Variants in DDI2 observed in about 807,000 individuals in gnomAD.
The protein encoded by DDI2 is DDI proteasomal shuttling factor 2.
A neutral mutation model predicts 48.1 loss-of-function variants in DDI2; 5 were observed. The observed-to-expected ratio is 0.10, with a 90% CI of 0.05 to 0.22. The LOEUF (loss-of-function observed/expected upper bound fraction) is 0.22. DDI2 is among the 10% of genes least tolerant of loss of function. The pLI, the probability that DDI2 is intolerant of heterozygous loss-of-function variation, is 1.00. For missense variants in DDI2, 285 were observed against 506.2 expected, an observed-to-expected ratio of 0.56 and a Z score of 4.19; for synonymous variants, 205 against 183.6, an observed-to-expected ratio of 1.12 and a Z score of -0.94.
intron 1 of DDI2, among the ~76,000 whole-genome samples, chr1:15,619,418 TC>T (rs1038561992): frequency 3.3e-5 from 5 of 149,472 alleles, no homozygotes; most frequent in African/African-American, 9.9e-5. Flanking sequence ...GAGCCACCGT[TC>T]CCGGACAACT....
chr1:15,647,045 C>T (rs1640102729), intron 6 of DDI2, among the ~76,000 whole-genome samples: 1 of 151,904 alleles, frequency 6.6e-6, no homozygotes, highest in Non-Finnish European at 1.5e-5. Context: ...CAACATTTTC[C>T]CAATGTCACC....
Position 15,640,458 on chromosome 1 carries a change from G to T in DDI2, c.760+2024G>T, listed in dbSNP as rs540672464. Among the ~76,000 whole-genome samples, 116 of 152,280 alleles carry T rather than the reference G, an allele frequency of 7.6e-4. No individual in the cohort carries two copies. In the South Asian group the frequency reaches 0.023, roughly 31 times the overall value. ...AGGTATACAGAGTTCGTGAGTGGTG[G>T]GCTTTGGATTCAGCCCCAGGTCCCC... is the stretch of plus-strand genomic sequence containing the variant. On this transcript the variant is annotated intron_variant, in intron 5 of 9. Transcript: ENST00000480945.
chr1:15,657,133 A>G (rs1022166502), intron 9 of DDI2: 1 of 153,820 alleles, frequency 6.5e-6, no homozygotes, highest in African/African-American at 2.4e-5. Flanking sequence ...TGAAGAAGAA[A>G]TGGAAACTTA....
Position 15,630,355 on chromosome 1 carries a change from C to A in DDI2, c.299C>A (p.Ala100Asp), listed in dbSNP as rs773869764. Residue 100 changes from alanine (A) to aspartate (D), a missense_variant, in exon 3 of 10, where the codon GCT becomes GAT. Physicochemically the swap from Ala to Asp is moderately radical, Grantham distance 126. This residue lies in a region of DDI2 where 149 missense variants were observed against 236.5 expected (regional missense o/e 0.63). Coordinates refer to ENST00000480945, the MANE Select transcript of DDI2 (RefSeq NM_032341.5). ...NLPRIDFSSI[A>D]VPGTSSPRQR... Reference sequence around the variant, plus strand: ...CCCCGAATAGATTTCAGTAGTATAGCTGTGCCTGGCACATCAAGTCCCCGG... The same window carrying A: ...CCCCGAATAGATTTCAGTAGTATAGATGTGCCTGGCACATCAAGTCCCCGG... The A allele has an allele frequency of 2.5e-6, 4 of 1,614,110 alleles. No individual in the cohort carries two copies. The highest frequency in any genetic ancestry group is 3.4e-6 in the Non-Finnish European group (4 of 1,180,052).
intron 9 of DDI2, among the ~76,000 whole-genome samples, chr1:15,659,145 G>A (rs1031567788): frequency 3.3e-5 from 5 of 152,178 alleles, no homozygotes; most frequent in Non-Finnish European, 5.9e-5. Context: ...CATGATTTTT[G>A]GAAAGCTTGG....
intron 8 of DDI2, among the ~76,000 whole-genome samples, chr1:15,652,946 A>G (rs1053525111): frequency 1.1e-4 from 16 of 152,284 alleles, no homozygotes; most frequent in African/African-American, 3.6e-4. Context: ...CGGAGGTTGC[A>G]GTGAGTCAAG....
intron 9 of DDI2, among the ~76,000 whole-genome samples, chr1:15,658,214 G>A (rs1453702214): frequency 6.6e-6 from 1 of 151,882 alleles, no homozygotes; most frequent in Non-Finnish European, 1.5e-5. Context: ...CAGTGGTGCA[G>A]TCTTGGCTCA....
chr1:15,638,493 A>G, intron 5 of DDI2, 59 bp downstream of exon 5: 2 of 1,437,120 alleles, frequency 1.4e-6, no homozygotes, highest in Non-Finnish European at 9.6e-7. Context: ...CTGACACGGG[A>G]GAAGGGGAGG....
intron 1 of DDI2, 47 bp downstream of exon 1, chr1:15,617,855 C>T (rs1639588032): frequency 1.3e-6 from 2 of 1,494,764 alleles, no homozygotes; most frequent in South Asian, 1.3e-5. Context: ...AAGCCCTCCC[C>T]GCCTCGGGGC....
intron 8 of DDI2, 111 bp downstream of exon 8, chr1:15,652,006 C>CAGT (rs1161663490): frequency 8.6e-6 from 9 of 1,045,488 alleles, no homozygotes; most frequent in Admixed American, 3.1e-5. Context: ...TCTCATGGTC[C>CAGT]AGTAGTAGAT....
rs757473323 is a variant in DDI2, at chr1:15,660,269, C to G, written c.*479C>G. 4 of 1,614,076 alleles carry G rather than the reference C, an allele frequency of 2.5e-6. No homozygotes were observed. The African/African-American group carries it at 5.3e-5, about 22-fold the overall frequency. ...CATACAAGACAGGAAGCTAGTTTAT[C>G]TGTCACATCTACTAGGATGCATGAA... On this transcript the variant is annotated 3_prime_UTR_variant, in exon 10 of 10. Transcript: ENST00000480945.
At chr1:15,629,862 G>T (rs1156951392) in intron 2 of DDI2, among the ~76,000 whole-genome samples, 1 of 151,650 alleles carries the variant, frequency 6.6e-6, no homozygotes, top group Non-Finnish European at 1.5e-5. Flanking sequence ...CTCCTGCGTA[G>T]CTGGGATTAC....
chr1:15,659,555 G>A (rs1640326636), intron 9 of DDI2, among the ~76,000 whole-genome samples: 2 of 152,118 alleles, frequency 1.3e-5, no homozygotes, highest in South Asian at 4.1e-4. Flanking sequence ...TCATTCCTGA[G>A]CACTAACCCC....
intron 6 of DDI2, among the ~76,000 whole-genome samples, chr1:15,646,435 C>G (rs1331466523): frequency 6.6e-6 from 1 of 152,120 alleles, no homozygotes; most frequent in African/African-American, 2.4e-5. Flanking sequence ...GCCTGTAATC[C>G]CAGCACTTTG....
At position 15,661,710 on chromosome 1, in the gene DDI2, A is replaced by C. The variant is rs199740469; in HGVS notation, c.*1920A>C. On this transcript the variant is annotated 3_prime_UTR_variant, in exon 10 of 10. Transcript: ENST00000480945. Reference sequence around the variant, plus strand: ...TTGTTTTGCTCGCAAAAAACATCGTAGTTCCTACATGACTGTGGGAAAGTG... The same window carrying C: ...TTGTTTTGCTCGCAAAAAACATCGTCGTTCCTACATGACTGTGGGAAAGTG... 3 of 1,610,222 alleles carry C rather than the reference A, an allele frequency of 1.9e-6. No homozygotes were observed. The highest frequency in any genetic ancestry group is 2.5e-6 in the Non-Finnish European group (3 of 1,177,448).
In DDI2 at chr1:15,663,287, C is replaced by G. The variant is rs1296422556; in HGVS notation, c.*3497C>G. ...CAAATTTTAAGTCATTGAGCACAAT[C>G]AAAATGGAGGCTCATATCTCAGGAG... On this transcript the variant is annotated 3_prime_UTR_variant, in exon 10 of 10. Transcript: ENST00000480945. The G allele has an allele frequency of 6.6e-6, 1 of 152,198 alleles. No individual in the cohort carries two copies. Among genetic ancestry groups the G allele is most frequent in the Non-Finnish European group, 1.5e-5 (1 of 68,034 alleles). The allele number at this position is 152,198 out of a possible 1,614,324, so 9.4% of individuals were successfully genotyped here.
At position 15,666,311 on chromosome 1, in the gene DDI2, TGA is replaced by T. The variant is rs1258542225; in HGVS notation, c.*6525_*6526del. ...AGAGGCATCAAATTTTGGTGGGGAA[TGA>T]GAGGAGTATTAGGGGAAAGTTTGAA... is the stretch of plus-strand genomic sequence containing the variant. On this transcript the variant is annotated 3_prime_UTR_variant, in exon 10 of 10. Transcript: ENST00000480945. 1 of 152,118 alleles carries T rather than the reference TGA, an allele frequency of 6.6e-6. No individual in the cohort carries two copies. Among genetic ancestry groups the T allele is most frequent in the Non-Finnish European group, 1.5e-5 (1 of 68,036 alleles). The allele number at this position is 152,118 out of a possible 1,614,324, so 9.4% of individuals were successfully genotyped here.
chr1:15,647,309 G>C (rs1050456144), intron 6 of DDI2, among the ~76,000 whole-genome samples: 1 of 151,746 alleles, frequency 6.6e-6, no homozygotes, highest in Non-Finnish European at 1.5e-5. Context: ...TACCACACCC[G>C]GGTAATTTTT....
rs923707351 is a variant in DDI2 at position 15,622,198 on chromosome 1, C to CTTTTTTTTTTTTTTTTTTTTTTTT, written c.138+4407_138+4408insTTTTTTTTTTTTTTTTTTTTTTTT. On this transcript the variant is annotated intron_variant, in intron 1 of 9. Transcript: ENST00000480945. ...AAGGGATCCTCCCAAGTAGCTGCGA[C>CTTTTTTTTTTTTTTTTTTTTTTTT]TTTTTTTTTTTTTTTTTGAGACGAG... Among the ~76,000 whole-genome samples the CTTTTTTTTTTTTTTTTTTTTTTTT allele has an allele frequency of 2.3e-5, 3 of 131,242 alleles. 1 individual carries two copies. Among genetic ancestry groups the CTTTTTTTTTTTTTTTTTTTTTTTT allele is most frequent in the Non-Finnish European group, 1.6e-5 (1 of 62,400 alleles). The allele number at this position is 131,242 out of a possible 152,430, so 86.1% of individuals were successfully genotyped here.
Sources: allele counts gnomAD v4.1 joint callset (sites outside exome capture counted in the v4.1 genomes callset), GRCh38; gene constraint gnomAD v4.1.1; regional missense constraint gnomAD v4.1.1; transcripts MANE v1.5; gene names NCBI Gene and HGNC (gene_info 2026-07-23, HGNC 2026-07-21).